The following SLC25A37 variants were observed in gnomAD, a reference collection of about 807,000 sequenced individuals.
The protein encoded by SLC25A37 is mitoferrin-1.
In SLC25A37, 17 loss-of-function variants were observed where a neutral mutation model predicts 31.0. The observed-to-expected ratio is 0.55, with a 90% CI of 0.38 to 0.82. The LOEUF is 0.82. SLC25A37 is among the 40% of genes least tolerant of loss of function. SLC25A37 has a pLI of 0.00. For missense variants in SLC25A37, 404 were observed against 465.8 expected, an observed-to-expected ratio of 0.87 and a Z score of 1.22; for synonymous variants, 222 against 193.0, an observed-to-expected ratio of 1.15 and a Z score of -1.24.
intron 1 of SLC25A37, among the ~76,000 whole-genome samples, chr8:23,549,801 C>T (rs1392281052): frequency 9.6e-6 from 1 of 104,688 alleles, no homozygotes; most frequent in Non-Finnish European, 1.7e-5. Context: ...CTCTAAATTC[C>T]AGAGCCCAGC....
In SLC25A37 at chr8:23,571,969, C is replaced by A; in HGVS notation, c.*114C>A. 8.4e-7 allele frequency: 1 copy of A among 1,189,246 alleles called. No homozygotes were observed. The highest frequency in any genetic ancestry group is 1.2e-6 in the Non-Finnish European group (1 of 849,036). The allele number at this position is 1,189,246 out of a possible 1,614,324, so 73.7% of individuals were successfully genotyped here. ...TTGCAGGGTGCTGCCTATGGGCCCT[C>A]TGCTCCCCAATGCCTTAGAGAGAGG... On this transcript the variant is annotated 3_prime_UTR_variant, in exon 4 of 4. Transcript: ENST00000519973.
chr8:23,538,457 T>C (rs1433223065), intron 1 of SLC25A37, among the ~76,000 whole-genome samples: 2 of 151,960 alleles, frequency 1.3e-5, no homozygotes, highest in East Asian at 1.9e-4. Context: ...ATTTTTGTTT[T>C]GCATTGGTTT....
chr8:23,538,768 C>T (rs1801829491), intron 1 of SLC25A37, among the ~76,000 whole-genome samples: 2 of 152,284 alleles, frequency 1.3e-5, no homozygotes, highest in East Asian at 3.9e-4. Flanking sequence ...AGCTCCCTTT[C>T]AAGACAAGAG....
chr8:23,570,873 G>A (rs1802806055), intron 3 of SLC25A37, among the ~76,000 whole-genome samples: 1 of 152,136 alleles, frequency 6.6e-6, no homozygotes, highest in South Asian at 2.1e-4. Context: ...TACCATTAGA[G>A]GCACAAACCC....
At chr8:23,556,104 C>T (rs1265444507) in intron 1 of SLC25A37, among the ~76,000 whole-genome samples, 3 of 152,074 alleles carry the variant, frequency 2.0e-5, no homozygotes, top group African/African-American at 7.2e-5. Context: ...TGCTTGAGTC[C>T]CCCGCCATGT....
intron 1 of SLC25A37, among the ~76,000 whole-genome samples, chr8:23,555,000 G>A (rs988891914): frequency 5.3e-5 from 8 of 152,124 alleles, no homozygotes; most frequent in African/African-American, 1.7e-4. Context: ...GGTATTCAGG[G>A]CCTTGCATGG....
chr8:23,532,157 T>C (rs757240406), intron 1 of SLC25A37, among the ~76,000 whole-genome samples: 59 of 152,194 alleles, frequency 3.9e-4, no homozygotes, highest in Non-Finnish European at 7.6e-4. Flanking sequence ...TGGAAGACCT[T>C]TGGCAACTTT....
At chr8:23,557,940 G>A (rs993142644) in intron 1 of SLC25A37, among the ~76,000 whole-genome samples, 1 of 152,212 alleles carries the variant, frequency 6.6e-6, no homozygotes, top group Non-Finnish European at 1.5e-5. Flanking sequence ...CTGGAACAGA[G>A]ACGGTGCGGA....
Position 23,559,377 on chromosome 8 carries a change from G to T in SLC25A37, c.211-6731G>T, listed in dbSNP as rs140048254. On this transcript the variant is annotated intron_variant, in intron 1 of 3. Transcript: ENST00000519973. ...TGCGTGTGTGTGCGCGCGCGCGTGT[G>T]TGTGTTTATTTTTAATCTCTGCCCT... Among the ~76,000 whole-genome samples the T allele has an allele frequency of 3.9e-5, 6 of 152,200 alleles. No individual in the cohort carries two copies. The East Asian group carries it at 1.2e-3, about 29-fold the overall frequency.
chr8:23,570,838 C>T (rs1196750206), intron 3 of SLC25A37, among the ~76,000 whole-genome samples: 1 of 152,156 alleles, frequency 6.6e-6, no homozygotes, highest in Non-Finnish European at 1.5e-5. Context: ...CTGTTCCAAA[C>T]GCACTGTGTC....
intron 1 of SLC25A37, among the ~76,000 whole-genome samples, chr8:23,546,508 T>A (rs1359299996): frequency 9.5e-6 from 1 of 105,336 alleles, no homozygotes; most frequent in Admixed American, 1.1e-4. Context: ...TATATATATA[T>A]ATAGGTATAT....
chr8:23,573,679 G>T lies in SLC25A37; in HGVS notation c.*1824G>T, dbSNP rs10104250. On this transcript the variant is annotated 3_prime_UTR_variant, in exon 4 of 4. Transcript: ENST00000519973. ...GCGATGAAGAATTTTATCAGTCAGT[G>T]GAGTTCCTTTTTCAGATCAGGGATG... The T allele has an allele frequency of 0.074, 30,828 of 419,356 alleles. 1,419 individuals carry two copies. Among genetic ancestry groups the T allele is most frequent in the African/African-American group, 0.14 (6,847 of 49,272 alleles). The allele number at this position is 419,356 out of a possible 1,614,324, so 26.0% of individuals were successfully genotyped here.
At chr8:23,554,374 TG>T (rs1478864375) in intron 1 of SLC25A37, among the ~76,000 whole-genome samples, 1 of 152,176 alleles carries the variant, frequency 6.6e-6, no homozygotes, top group Non-Finnish European at 1.5e-5. Context: ...ACAGGGAAGC[TG>T]GGCAGGAGAG....
At chr8:23,560,584 T>C (rs577337081) in intron 1 of SLC25A37, among the ~76,000 whole-genome samples, 1 of 152,352 alleles carries the variant, frequency 6.6e-6, no homozygotes, top group East Asian at 1.9e-4. Flanking sequence ...TGAATGAGGC[T>C]CTGGCCCCAA....
At chr8:23,549,130 C>A (rs1802153492) in intron 1 of SLC25A37, among the ~76,000 whole-genome samples, 1 of 152,212 alleles carries the variant, frequency 6.6e-6, no homozygotes, top group Admixed American at 6.5e-5. Context: ...CTATAAACTC[C>A]TTGAAGGCAA....
intron 1 of SLC25A37, among the ~76,000 whole-genome samples, chr8:23,564,019 G>T (rs1802584737): frequency 6.6e-6 from 1 of 152,054 alleles, no homozygotes; most frequent in Admixed American, 6.6e-5. Flanking sequence ...CTAATTTAAA[G>T]TACCATTTTA....
intron 1 of SLC25A37, among the ~76,000 whole-genome samples, chr8:23,552,970 G>A (rs1025706640): frequency 2.6e-5 from 4 of 152,180 alleles, no homozygotes; most frequent in African/African-American, 9.7e-5. Context: ...AGCCTTGTGT[G>A]GAGTCTGTGA....
intron 1 of SLC25A37, among the ~76,000 whole-genome samples, chr8:23,551,130 G>T (rs1036002407): frequency 1.8e-4 from 27 of 152,332 alleles, no homozygotes; most frequent in Admixed American, 1.4e-3. Context: ...GCTGCCCTTG[G>T]CTCTGAGCAG....
chr8:23,534,013 T>C (rs1318253808), intron 1 of SLC25A37, among the ~76,000 whole-genome samples: 1 of 152,192 alleles, frequency 6.6e-6, no homozygotes, highest in East Asian at 1.9e-4. Flanking sequence ...AGTGGTGTGA[T>C]TGCAGCTCAC....
Sources: allele counts gnomAD v4.1 joint callset (sites outside exome capture counted in the v4.1 genomes callset), GRCh38; gene constraint gnomAD v4.1.1; transcripts MANE v1.5; gene names NCBI Gene and HGNC (gene_info 2026-07-23, HGNC 2026-07-21).